PRCC: variants seen among roughly 807,000 people sequenced by gnomAD.
PRCC encodes the protein proline-rich protein PRCC.
Under a neutral mutation model 44.0 loss-of-function variants are expected in PRCC, and 10 were observed. That is an observed-to-expected ratio of 0.23 (90% CI 0.14 to 0.39). The LOEUF is 0.39. Ranked by LOEUF, PRCC falls within the 10% of genes least tolerant of loss-of-function variation. The pLI, the probability that PRCC is intolerant of heterozygous loss-of-function variation, is 1.00. For missense variants in PRCC, 573 were observed against 624.7 expected (o/e 0.92, Z 0.88); for synonymous variants, 278 against 259.5 (o/e 1.07, Z -0.69).
chr1:156,780,460 A>G (rs1232614781), intron 1 of PRCC, among the ~76,000 whole-genome samples: 1 of 147,466 alleles, frequency 6.8e-6, no homozygotes, highest in Admixed American at 6.7e-5. Flanking sequence ...ATTTTTATTT[A>G]TTTTTAGTAT....
At chr1:156,773,597 C>G (rs1651712479) in intron 1 of PRCC, among the ~76,000 whole-genome samples, 1 of 152,200 alleles carries the variant, frequency 6.6e-6, no homozygotes, top group African/African-American at 2.4e-5. Context: ...CTTTCTTGAT[C>G]TAATGGCACA....
At position 156,776,688 on chromosome 1, in the gene PRCC, A is replaced by C. The variant is rs1287716624; in HGVS notation, c.469-5594A>C. Among the ~76,000 whole-genome samples the C allele has an allele frequency of 2.6e-5, 4 of 152,192 alleles. No homozygotes were observed. In the South Asian group the frequency reaches 6.2e-4, roughly 24 times the overall value. On this transcript the variant is annotated intron_variant, in intron 1 of 6. Coordinates refer to ENST00000271526, the MANE Select transcript of PRCC (RefSeq NM_005973.5). ...AAGAATATGCTTGTATAGTTTTATA[A>C]ATGTAATCATCTTAAATTTGGGTAA...
rs56916626 is a variant in PRCC at position 156,787,650 on chromosome 1, C to CTTTTTTTTTTTTTTTTTTTTTTTTTTTTT, written c.1083+492_1083+493insTTTTTTTTTTTTTTTTTTTTTTTTTTTTT. ...AGTACCTGATAGGTAGGTTTTTGGCCTTTTTTTTTTTTTTTTGGAGAAGGA... is the reference window on the plus strand; with the variant it reads ...AGTACCTGATAGGTAGGTTTTTGGCCTTTTTTTTTTTTTTTTTTTTTTTTTTTTTTTTTTTTTTTTTTTTTGGAGAAGGA... On this transcript the variant is annotated intron_variant, in intron 3 of 6. Coordinates refer to ENST00000271526, the MANE Select transcript of PRCC (RefSeq NM_005973.5). 2.0e-4 allele frequency among the ~76,000 whole-genome samples: 11 copies of CTTTTTTTTTTTTTTTTTTTTTTTTTTTTT among 54,172 alleles called. 2 individuals are homozygous for CTTTTTTTTTTTTTTTTTTTTTTTTTTTTT. The highest frequency in any genetic ancestry group is 1.0e-3 in the African/African-American group (11 of 11,032). 35.5% of individuals were successfully genotyped at this position (54,172 alleles called of 152,430 possible). A position where few individuals can be genotyped will look rare whatever the true frequency, so the allele number is the denominator to read the frequency against.
Position 156,797,436 on chromosome 1 carries a change from T to G in PRCC, c.1389+95T>G, listed in dbSNP as rs1571597585. The stretch of plus-strand genomic sequence containing the variant: ...CGAGTTAGAAGCCCAGATGCTTATC[T>G]TTTAGCAGCCCATCTTTTAGCAGGC... On this transcript the variant is annotated intron_variant, in intron 6 of 6. Coordinates refer to ENST00000271526, the MANE Select transcript of PRCC (RefSeq NM_005973.5). 2.8e-5 allele frequency: 40 copies of G among 1,435,646 alleles called. No individual in the cohort carries two copies. In the East Asian group the frequency reaches 8.9e-4, roughly 32 times the overall value. 88.9% of individuals were successfully genotyped at this position (1,435,646 alleles called of 1,614,324 possible).
At chr1:156,799,551 G>A (rs369905627) in intron 6 of PRCC, among the ~76,000 whole-genome samples, 1 of 152,138 alleles carries the variant, frequency 6.6e-6, no homozygotes, top group Non-Finnish European at 1.5e-5. Flanking sequence ...GGCAAATCTT[G>A]CTTTCATTGT....
chr1:156,795,551 G>A (rs553989299), intron 5 of PRCC, among the ~76,000 whole-genome samples: 2 of 152,248 alleles, frequency 1.3e-5, no homozygotes, highest in South Asian at 4.1e-4. Flanking sequence ...CTGCCAAAGT[G>A]CTGGGATTAC....
chr1:156,787,002 C>G lies in PRCC; in HGVS notation c.911C>G (p.Pro304Arg), dbSNP rs1369747181. 1 of 1,614,228 alleles carries G rather than the reference C, an allele frequency of 6.2e-7. No homozygotes were observed. The highest frequency in any genetic ancestry group is 8.5e-7 in the Non-Finnish European group (1 of 1,180,032). The part of the protein sequence containing the change: ...PIPTVPEELP[P>R]GTEPEPAFQD... Reference sequence around the variant, plus strand: ...CCCACTGTCCCTGAAGAGCTGCCTCCAGGCACGGAACCAGAGCCGGCTTTC... The same window carrying G: ...CCCACTGTCCCTGAAGAGCTGCCTCGAGGCACGGAACCAGAGCCGGCTTTC... The change falls in exon 3 of 7, where the codon CCA becomes CGA. Residue 304 changes from proline to arginine, a missense_variant. Physicochemically the swap from Pro to Arg is moderately radical, Grantham distance 103. Transcript: ENST00000271526.
intron 4 of PRCC, among the ~76,000 whole-genome samples, chr1:156,793,467 A>T (rs1652558285): frequency 6.7e-6 from 1 of 150,350 alleles, no homozygotes; most frequent in Non-Finnish European, 1.5e-5. Flanking sequence ...AGGAAGGCGT[A>T]GCAGTGTCCT....
intron 3 of PRCC, 78 bp downstream of exon 3, chr1:156,787,252 G>GCT (rs1652287480): frequency 1.4e-6 from 2 of 1,439,030 alleles, no homozygotes; most frequent in Admixed American, 2.2e-5. Flanking sequence ...TAGTGATACA[G>GCT]CCTCTGTGGT....
In PRCC at chr1:156,767,966, G is replaced by A. The variant is rs1386058871; in HGVS notation, c.195G>A (p.Pro65=). Residue 65 remains proline (P), a synonymous_variant, in exon 1 of 7, where the codon CCG becomes CCA. Transcript: ENST00000271526. ...TGCTGGCGCCAGCCTTTCCCCCGCC[G>A]CTGTTGCTTCCCCCACCCACCGGAG... The part of the protein sequence containing the change: ...PQMLAPAFPP[P]LLLPPPTGDP... 1 of 1,579,890 alleles carries A rather than the reference G, an allele frequency of 6.3e-7. No homozygotes were observed.
intron 1 of PRCC, among the ~76,000 whole-genome samples, chr1:156,769,757 G>T (rs1651559281): frequency 6.6e-6 from 1 of 151,950 alleles, no homozygotes; most frequent in African/African-American, 2.4e-5. Context: ...CCGCCGCCAC[G>T]CCTGGCTAAT....
At position 156,767,914 on chromosome 1, in the gene PRCC, C is replaced by T. The variant is rs112874956; in HGVS notation, c.143C>T (p.Pro48Leu). The T allele has an allele frequency of 1.9e-6, 3 of 1,599,568 alleles. No homozygotes were observed. The highest frequency in any genetic ancestry group is 2.7e-5 in the African/African-American group (2 of 74,758). The change falls in exon 1 of 7, where the codon CCG (proline) becomes CTG (leucine). Residue 48 changes from proline (P) to leucine (L), a missense_variant. Physicochemically the swap from Pro to Leu is moderately conservative, Grantham distance 98. Coordinates refer to ENST00000271526, the MANE Select transcript of PRCC (RefSeq NM_005973.5). The part of the protein sequence containing the change: ...LFASLPAPKG[P>L]ALLPPPPQML... ...GCTTCTCTCCCTGCGCCCAAGGGTC[C>T]GGCCTTGCTGCCTCCGCCCCCTCAG...
intron 2 of PRCC, among the ~76,000 whole-genome samples, chr1:156,782,683 G>T (rs1558049690): frequency 6.6e-6 from 1 of 152,158 alleles, no homozygotes; most frequent in Non-Finnish European, 1.5e-5. Context: ...TCTTCTTCCT[G>T]TCTCATTTTT....
At chr1:156,780,493 C>T (rs918294409) in intron 1 of PRCC, among the ~76,000 whole-genome samples, 17 of 151,202 alleles carry the variant, frequency 1.1e-4, no homozygotes, top group Admixed American at 9.2e-4. Context: ...CTTACTCTGT[C>T]GCCCAGGGTG....
intron 1 of PRCC, among the ~76,000 whole-genome samples, chr1:156,777,674 A>G (rs1386435855): frequency 6.6e-6 from 1 of 152,248 alleles, no homozygotes; most frequent in Non-Finnish European, 1.5e-5. Flanking sequence ...CAGAGTAGGC[A>G]CAAATGAACC....
Position 156,768,031 on chromosome 1 carries a change from TG to T in PRCC, c.263del (p.Gly88GlufsTer9). 6.4e-7 allele frequency: 1 copy of T among 1,572,206 alleles called. No individual in the cohort carries two copies. The highest frequency in any genetic ancestry group is 8.6e-7 in the Non-Finnish European group (1 of 1,157,870). On this transcript the variant is annotated frameshift_variant, in exon 1 of 7. Transcript: ENST00000271526. LOFTEE classifies it high-confidence loss of function. ...CCTCCTCCCCCCTTGCCCTTCGGCC[TG>T]GGAGGCTTCCCCCCACCTCCAGGCG... ...LQPPPPLPFGLGGFPPPPGVS... is the reference protein window; with the variant it reads ...LQPPPPLPFGXGGFPPPPGVS...
At chr1:156,784,387 G>C (rs1476566971) in intron 2 of PRCC, among the ~76,000 whole-genome samples, 1 of 152,196 alleles carries the variant, frequency 6.6e-6, no homozygotes, top group Non-Finnish European at 1.5e-5. Flanking sequence ...CTGTAAGACT[G>C]AAGACTGTAA....
intron 1 of PRCC, among the ~76,000 whole-genome samples, chr1:156,780,045 CTT>C (rs1431263140): frequency 1.3e-5 from 2 of 151,674 alleles, no homozygotes. Flanking sequence ...GCCTGGCTAA[CTT>C]TTGTATTTTT....
At chr1:156,781,666 T>A (rs996549284) in intron 1 of PRCC, among the ~76,000 whole-genome samples, 1 of 152,204 alleles carries the variant, frequency 6.6e-6, no homozygotes, top group African/African-American at 2.4e-5. Flanking sequence ...TTGCCCCAGA[T>A]CCTCATGGTC....
Sources: allele counts gnomAD v4.1 joint callset (sites outside exome capture counted in the v4.1 genomes callset), GRCh38; gene constraint gnomAD v4.1.1; transcripts MANE v1.5; gene names NCBI Gene and HGNC (gene_info 2026-07-23, HGNC 2026-07-21).